Variants in PHTF1 observed in about 807,000 individuals in gnomAD.
PHTF1 encodes protein PHTF1.
A neutral mutation model predicts 102.4 loss-of-function variants in PHTF1; 88 were observed. That is an observed-to-expected ratio of 0.86 (90% CI 0.72 to 1.03). The LOEUF is 1.03. Ranked by LOEUF, PHTF1 falls within the 50% of genes least tolerant of loss-of-function variation. The probability of loss-of-function intolerance (pLI) is 0.00; values close to 1 mark genes in which losing one functional copy is unlikely to be tolerated. For missense variants in PHTF1, 814 were observed against 909.5 expected (o/e 0.89, Z 1.35); for synonymous variants, 289 against 305.2 (o/e 0.95, Z 0.55).
intron 7 of PHTF1, chr1:113,714,951 G>T (rs879592492): frequency 6.6e-6 from 1 of 152,286 alleles, no homozygotes; most frequent in East Asian, 1.9e-4. Context: ...ATTTGTTTGG[G>T]AGAAAGTTAG....
intron 17 of PHTF1, chr1:113,698,766 AT>A: frequency 4.9e-6 from 1 of 203,874 alleles, no homozygotes; most frequent in Non-Finnish European, 9.7e-6. Flanking sequence ...TCAGGTCAGC[AT>A]TTTGAATCTA....
chr1:113,745,024 A>AGGCAGGGCAGGGCAG (rs368445019), intron 3 of PHTF1, among the ~76,000 whole-genome samples: 2,253 of 149,028 alleles, frequency 0.015, 30 homozygotes, highest in Non-Finnish European at 0.025. Flanking sequence ...GGAGAGGGCA[A>AGGCAGGGCAGGGCAG]GGCAGGGCAG....
intron 3 of PHTF1, among the ~76,000 whole-genome samples, chr1:113,740,856 C>T (rs1401859998): frequency 6.6e-6 from 1 of 152,050 alleles, no homozygotes; most frequent in Non-Finnish European, 1.5e-5. Context: ...CATGCTGAAA[C>T]TCTATCTCTA....
intron 6 of PHTF1, chr1:113,725,719 T>C (rs998242836): frequency 3.3e-5 from 5 of 152,290 alleles, no homozygotes; most frequent in African/African-American, 1.2e-4. Flanking sequence ...ATCCCAGTCC[T>C]TTGGGAGACC....
chr1:113,705,214 C>T (rs971037577), intron 13 of PHTF1, among the ~76,000 whole-genome samples: 1 of 152,132 alleles, frequency 6.6e-6, no homozygotes, highest in African/African-American at 2.4e-5. Flanking sequence ...GAAAGACGGG[C>T]GGATAACTTG....
At chr1:113,746,772 G>A in intron 3 of PHTF1, 1 of 498,280 alleles carries the variant, frequency 2.0e-6, no homozygotes, top group Non-Finnish European at 2.6e-6. Flanking sequence ...GAAAAATGTT[G>A]TAAAATTAAA....
intron 10 of PHTF1, 21 bp downstream of exon 10, chr1:113,711,725 T>C (rs1571114874): frequency 6.4e-7 from 1 of 1,568,002 alleles, no homozygotes; most frequent in East Asian, 2.2e-5. Flanking sequence ...TATACCTTGA[T>C]TTCTCAAAGG....
In PHTF1 at chr1:113,704,219, C is replaced by T. The variant is rs138758485; in HGVS notation, c.1804-52G>A. ...GTTTTAGTTACTGGCAGACAGCAAC[C>T]GCCCTCACATTATTAACACTCTGAA... On this transcript the variant is annotated intron_variant, in intron 14 of 18. Coordinates refer to ENST00000369604, the MANE Select transcript of PHTF1 (RefSeq NM_001323043.2). The T allele has an allele frequency of 1.0e-5, 11 of 1,048,014 alleles. No individual in the cohort carries two copies. In the East Asian group the frequency reaches 1.7e-4, roughly 16 times the overall value. 64.9% of individuals were successfully genotyped at this position (1,048,014 alleles called of 1,614,324 possible). A position where few individuals can be genotyped will look rare whatever the true frequency, so the allele number is the denominator to read the frequency against.
chr1:113,739,552 C>A (rs528054137), intron 3 of PHTF1, among the ~76,000 whole-genome samples: 93 of 152,274 alleles, frequency 6.1e-4, no homozygotes, highest in South Asian at 8.3e-4. Context: ...ATATCTATCA[C>A]CTTGAACATT....
intron 5 of PHTF1, among the ~76,000 whole-genome samples, chr1:113,737,881 G>A (rs1655754191): frequency 6.6e-6 from 1 of 152,242 alleles, no homozygotes; most frequent in Non-Finnish European, 1.5e-5. Flanking sequence ...GGCCTGGCCA[G>A]TGAGACAGGT....
chr1:113,738,356 T>C, intron 4 of PHTF1, 88 bp from the exon 5 acceptor site: 1 of 961,822 alleles, frequency 1.0e-6, no homozygotes, highest in Non-Finnish European at 1.6e-6. Flanking sequence ...AATAGGTGAG[T>C]GCAAAAATCA....
intron 16 of PHTF1, chr1:113,700,048 A>T: frequency 8.9e-7 from 1 of 1,121,706 alleles, no homozygotes; most frequent in Non-Finnish European, 1.1e-6. Flanking sequence ...ACAATGAAAA[A>T]TTTTAATATT....
intron 3 of PHTF1, among the ~76,000 whole-genome samples, chr1:113,739,483 T>C (rs1393882839): frequency 6.6e-6 from 1 of 152,222 alleles, no homozygotes; most frequent in Non-Finnish European, 1.5e-5. Context: ...TAATTGTGCA[T>C]ATTTATGGCG....
At chr1:113,699,849 A>G (rs1649249289) in intron 16 of PHTF1, 50 bp from the exon 17 acceptor site, 4 of 763,644 alleles carry the variant, frequency 5.2e-6, no homozygotes, top group Non-Finnish European at 8.6e-6. Flanking sequence ...AAAAATATAT[A>G]TACTGCATAA....
chr1:113,723,865 T>A (rs1378494366), intron 7 of PHTF1, among the ~76,000 whole-genome samples: 1 of 152,150 alleles, frequency 6.6e-6, no homozygotes, highest in Non-Finnish European at 1.5e-5. Context: ...AAGTCTTAAA[T>A]TATCCATCTG....
At chr1:113,699,243 G>A (rs935132255) in intron 17 of PHTF1, 12 of 233,810 alleles carry the variant, frequency 5.1e-5, no homozygotes, top group African/African-American at 2.6e-4. Context: ...TGTGAGGCTT[G>A]CTAATCTTGT....
chr1:113,740,645 T>C (rs773486440), intron 3 of PHTF1, among the ~76,000 whole-genome samples: 10 of 152,200 alleles, frequency 6.6e-5, no homozygotes, highest in Non-Finnish European at 1.5e-4. Context: ...CCCAGACCAA[T>C]GTTCTTAAGC....
At chr1:113,748,483 G>T (rs1213950573) in intron 3 of PHTF1, among the ~76,000 whole-genome samples, 1 of 151,788 alleles carries the variant, frequency 6.6e-6, no homozygotes, top group East Asian at 1.9e-4. Flanking sequence ...CTGGGAAATG[G>T]TCTCAAATTT....
At chr1:113,737,606 T>C (rs974992630) in intron 5 of PHTF1, among the ~76,000 whole-genome samples, 1 of 152,128 alleles carries the variant, frequency 6.6e-6, no homozygotes, top group Non-Finnish European at 1.5e-5. Flanking sequence ...AAGACCAGCC[T>C]GGGCAGCATG....
Sources: allele counts gnomAD v4.1 joint callset (sites outside exome capture counted in the v4.1 genomes callset), GRCh38; gene constraint gnomAD v4.1.1; transcripts MANE v1.5; gene names NCBI Gene and HGNC (gene_info 2026-07-23, HGNC 2026-07-21).